Variants in NLK observed in about 807,000 individuals in gnomAD.
The protein encoded by NLK is nemo like kinase.
A neutral mutation model predicts 59.0 loss-of-function variants in NLK; 11 were observed. That is an observed-to-expected ratio of 0.19 (90% confidence interval 0.12 to 0.31). The LOEUF is 0.31. Among genes scored for constraint, NLK ranks in the 10% least tolerant of loss-of-function variants. NLK has a pLI of 1.00. For synonymous variants in NLK, 235 were observed against 235.9 expected (o/e 1.00, Z 0.03); for missense variants, 410 against 661.1 (o/e 0.62, Z 4.16).
chr17:28,168,171 CAAA>C (rs35703027), intron 5 of NLK, among the ~76,000 whole-genome samples: 6 of 141,490 alleles, frequency 4.2e-5, no homozygotes, highest in Admixed American at 7.1e-5. Flanking sequence ...CTAAATAATA[CAAA>C]AAAAAAAAAA....
intron 1 of NLK, among the ~76,000 whole-genome samples, chr17:28,070,784 T>A (rs2142756684): frequency 6.6e-6 from 1 of 152,370 alleles, no homozygotes. Context: ...AACACTATTC[T>A]AAAATACTAA....
chr17:28,053,821 A>G (rs547605304), intron 1 of NLK, among the ~76,000 whole-genome samples: 3 of 152,340 alleles, frequency 2.0e-5, no homozygotes, highest in Non-Finnish European at 4.4e-5. Context: ...TTAATGTACC[A>G]TGGCAGAGAG....
chr17:28,162,645 CAAA>C (rs1181289747), intron 4 of NLK, among the ~76,000 whole-genome samples: 1 of 151,902 alleles, frequency 6.6e-6, no homozygotes, highest in Non-Finnish European at 1.5e-5. Context: ...TCAAAAAAAA[CAAA>C]AACGTTCACC....
intron 1 of NLK, among the ~76,000 whole-genome samples, chr17:28,117,121 C>T (rs891824269): frequency 1.3e-5 from 2 of 152,152 alleles, no homozygotes; most frequent in Admixed American, 6.5e-5. Context: ...TCCAGCATGG[C>T]AGTTTTCCTG....
At chr17:28,179,878 T>G (rs934472800) in intron 7 of NLK, among the ~76,000 whole-genome samples, 7 of 148,140 alleles carry the variant, frequency 4.7e-5, no homozygotes, top group Admixed American at 2.7e-4. Flanking sequence ...CTTGGTTTTT[T>G]TTTTTTTTTT....
chr17:28,062,938 T>G (rs902722643), intron 1 of NLK, among the ~76,000 whole-genome samples: 2 of 152,218 alleles, frequency 1.3e-5, no homozygotes, highest in Admixed American at 1.3e-4. Context: ...GATATTTTTA[T>G]TTTTTATTTT....
chr17:28,175,269 C>T (rs992294917), intron 7 of NLK, among the ~76,000 whole-genome samples: 1 of 151,376 alleles, frequency 6.6e-6, no homozygotes, highest in African/African-American at 2.4e-5. Context: ...CATGGTGAAA[C>T]CCCGTCTCTA....
At chr17:28,121,102 A>C (rs536680911) in intron 1 of NLK, among the ~76,000 whole-genome samples, 5 of 152,244 alleles carry the variant, frequency 3.3e-5, no homozygotes, top group Admixed American at 2.6e-4. Flanking sequence ...TTTTGAATAC[A>C]GGCAGAGTCT....
chr17:28,202,269 G>A, the NLK span, among the ~76,000 whole-genome samples: 1 of 152,130 alleles, frequency 6.6e-6, no homozygotes, highest in South Asian at 2.1e-4. Context: ...ACATGGTAGT[G>A]CCTGTAGTTT....
chr17:28,070,633 G>A (rs1303051309), intron 1 of NLK, among the ~76,000 whole-genome samples: 1 of 152,004 alleles, frequency 6.6e-6, no homozygotes, highest in Non-Finnish European at 1.5e-5. Context: ...TTACAGGCAT[G>A]AGCCACCGTG....
intron 3 of NLK, among the ~76,000 whole-genome samples, chr17:28,136,660 A>C (rs572333554): frequency 1.3e-5 from 2 of 152,220 alleles, no homozygotes; most frequent in South Asian, 2.1e-4. Flanking sequence ...CTGGAATACA[A>C]TGGCATAATC....
At chr17:28,135,463 A>G (rs764604074) in intron 3 of NLK, among the ~76,000 whole-genome samples, 2 of 152,160 alleles carry the variant, frequency 1.3e-5, no homozygotes, top group Non-Finnish European at 2.9e-5. Context: ...ACAGGTATTC[A>G]CCGTATATCA....
At position 28,127,405 on chromosome 17, in the gene NLK, A is replaced by G. The variant is rs560489529; in HGVS notation, c.588+4673A>G. On this transcript the variant is annotated intron_variant, in intron 2 of 10. Transcript: ENST00000407008. ...AGTATGGGAAAAACAGATATGGCCT[A>G]TCTTTTAATACAGACATGCTGTTCA... Among the ~76,000 whole-genome samples the G allele has an allele frequency of 2.6e-5, 4 of 152,364 alleles. No individual in the cohort carries two copies. In the South Asian group the frequency reaches 6.2e-4, roughly 24 times the overall value.
At chr17:28,177,190 G>A (rs1908717037) in intron 7 of NLK, among the ~76,000 whole-genome samples, 1 of 152,014 alleles carries the variant, frequency 6.6e-6, no homozygotes, top group Non-Finnish European at 1.5e-5. Context: ...GGAAGGAGAG[G>A]CAGGCACACT....
chr17:28,190,916 T>C, intron 8 of NLK, 105 bp from the exon 9 acceptor site: 1 of 749,366 alleles, frequency 1.3e-6, no homozygotes. Flanking sequence ...GTACTATAAA[T>C]TATATATATG....
intron 3 of NLK, among the ~76,000 whole-genome samples, chr17:28,159,364 G>A (rs2142046115): frequency 6.6e-6 from 1 of 152,250 alleles, no homozygotes; most frequent in African/African-American, 2.4e-5. Flanking sequence ...TTGATGGATG[G>A]AAAGAGCAAT....
intron 1 of NLK, among the ~76,000 whole-genome samples, chr17:28,087,836 A>G (rs182834170): frequency 1.5e-4 from 23 of 151,376 alleles, no homozygotes; most frequent in African/African-American, 5.2e-4. Context: ...TCTGTAACCC[A>G]TGATGAAGTT....
chr17:28,091,441 C>T (rs1173391863), intron 1 of NLK, among the ~76,000 whole-genome samples: 1 of 151,344 alleles, frequency 6.6e-6, no homozygotes, highest in Non-Finnish European at 1.5e-5. Flanking sequence ...TTAATTTCTA[C>T]ATTTACACAC....
Position 28,071,346 on chromosome 17 carries a change from T to C in NLK, c.458+28015T>C, listed in dbSNP as rs187020023. ...CTTTAAAAATCTGTTGGGATATTTA[T>C]TGGAAGATGTCAACTCTGTAGATCA... On this transcript the variant is annotated intron_variant, in intron 1 of 10. Transcript: ENST00000407008. Among the ~76,000 whole-genome samples the C allele has an allele frequency of 3.7e-4, 56 of 152,320 alleles. No individual in the cohort carries two copies. The East Asian group carries it at 7.7e-3, about 21-fold the overall frequency.
Sources: gnomAD v4.1 joint callset for allele counts (sites outside exome capture counted in the v4.1 genomes callset) on GRCh38, gnomAD v4.1.1 for gene constraint, MANE v1.5 for transcripts, NCBI Gene and HGNC (gene_info 2026-07-23, HGNC 2026-07-21) for gene names.